MYO16: variants seen among roughly 807,000 people sequenced by gnomAD.
MYO16 encodes myosin XVI.
In MYO16, 94 loss-of-function variants were observed where a neutral mutation model predicts 205.3. That is an observed-to-expected ratio of 0.46 (90% CI 0.39 to 0.54). MYO16 has a LOEUF of 0.54. Ranked by LOEUF, MYO16 falls within the 20% of genes least tolerant of loss-of-function variation. The pLI is 0.00. For synonymous variants in MYO16, 988 were observed against 954.0 expected (o/e 1.04, Z -0.66); for missense variants, 2,315 against 2,387.5 (o/e 0.97, Z 0.63).
chr13:108,771,354 GA>G (rs1885958258), intron 4 of MYO16, among the ~76,000 whole-genome samples: 1 of 151,918 alleles, frequency 6.6e-6, no homozygotes, highest in African/African-American at 2.4e-5. Context: ...ACTTTTTTTA[GA>G]GCAGTTTTAG....
intron 15 of MYO16, among the ~76,000 whole-genome samples, chr13:108,906,093 C>T (rs1566403693): frequency 1.3e-5 from 2 of 152,150 alleles, no homozygotes; most frequent in Admixed American, 1.3e-4. Flanking sequence ...AAACTCTTAG[C>T]GTTCCCATGA....
In MYO16 at chr13:108,788,996, G is replaced by A. The variant is rs2138932285; in HGVS notation, c.616+3253G>A. 2.0e-5 allele frequency among the ~76,000 whole-genome samples: 3 copies of A among 152,220 alleles called. No individual in the cohort carries two copies. In the East Asian group the frequency reaches 5.8e-4, roughly 30 times the overall value. On this transcript the variant is annotated intron_variant, in intron 5 of 34. Transcript: ENST00000457511. ...CCATGTCCCTCCATGCTGTTGCTGG[G>A]TTGTCTCACCCTTTTGCTTGTGTTG...
chr13:108,848,108 C>G (rs555281668), intron 10 of MYO16, among the ~76,000 whole-genome samples: 7 of 152,144 alleles, frequency 4.6e-5, no homozygotes, highest in Admixed American at 3.9e-4. Context: ...GTACATAGGA[C>G]TGGGCTTGTA....
rs1566466553 is a variant in MYO16, at chr13:109,022,636, TA to T, written c.2796+2726del. 2.0e-4 allele frequency among the ~76,000 whole-genome samples: 27 copies of T among 135,786 alleles called. 1 individual carries two copies. The highest frequency in any genetic ancestry group is 7.2e-4 in the African/African-American group (27 of 37,368). The allele number at this position is 135,786 out of a possible 152,430, so 89.1% of individuals were successfully genotyped here. A position where few individuals can be genotyped will look rare whatever the true frequency, so the allele number is the denominator to read the frequency against. ...TAAACATATGTATATATATTATATA[TA>T]TGCATATAAACATATGTATATATTT... On this transcript the variant is annotated intron_variant, in intron 23 of 34. Coordinates refer to ENST00000457511, the MANE Select transcript of MYO16 (RefSeq NM_001198950.3).
chr13:108,666,062 A>G lies in MYO16; in HGVS notation c.205A>G (p.Arg69Gly), dbSNP rs748245730. 1 of 1,614,158 alleles carries G rather than the reference A, an allele frequency of 6.2e-7. No individual in the cohort carries two copies. ...TCAGAAGCAGGAAGGGTTCCTGAAA[A>G]GGCTGAAGCATGCGAAGAATCCGAA... Reference protein sequence around the residue: ...AFQKQEGFLKRLKHAKNPKVH... With the variant: ...AFQKQEGFLKGLKHAKNPKVH... The change falls in exon 2 of 35, where the codon AGG becomes GGG. Residue 69 changes from arginine to glycine, a missense_variant. Around this residue, in one of 3 missense-constraint regions of MYO16, gnomAD observed 1,213 missense variants for 1,274.4 expected, o/e 0.95. Transcript: ENST00000457511.
At chr13:109,110,772 C>T (rs2139736671) in intron 28 of MYO16, among the ~76,000 whole-genome samples, 1 of 152,240 alleles carries the variant, frequency 6.6e-6, no homozygotes, top group South Asian at 2.1e-4. Flanking sequence ...AATGGTCATT[C>T]TTAGAAATTT....
chr13:108,833,846 A>G (rs1324731888), intron 9 of MYO16, among the ~76,000 whole-genome samples: 1 of 152,034 alleles, frequency 6.6e-6, no homozygotes, highest in Non-Finnish European at 1.5e-5. Context: ...ATCTGTCTCT[A>G]CTGTATTAAT....
chr13:108,785,593 T>G (rs373034366), intron 4 of MYO16, 42 bp from the exon 5 acceptor site: 1 of 1,230,176 alleles, frequency 8.1e-7, no homozygotes, highest in African/African-American at 1.5e-5. Context: ...GCTTTTAATT[T>G]AAACAGTATA....
intron 2 of MYO16, among the ~76,000 whole-genome samples, chr13:108,701,995 A>T (rs1417952640): frequency 2.0e-5 from 3 of 151,690 alleles, no homozygotes; most frequent in Non-Finnish European, 1.5e-5. Context: ...ATCAATTAAG[A>T]TGATCCAGTC....
chr13:108,553,223 C>T, the MYO16 span, among the ~76,000 whole-genome samples: 1 of 151,634 alleles, frequency 6.6e-6, no homozygotes, highest in African/African-American at 2.4e-5. Flanking sequence ...GAATTCCTGA[C>T]CTCATGATCC....
intron 15 of MYO16, among the ~76,000 whole-genome samples, chr13:108,908,022 A>G (rs1298545130): frequency 6.6e-6 from 1 of 152,218 alleles, no homozygotes; most frequent in Non-Finnish European, 1.5e-5. Context: ...GAATATTATT[A>G]ATATTAAACA....
chr13:108,712,699 C>T lies in MYO16; in HGVS notation c.331C>T (p.Leu111Phe). 1 of 1,614,088 alleles carries T rather than the reference C, an allele frequency of 6.2e-7. No homozygotes were observed. Among genetic ancestry groups the T allele is most frequent in the South Asian group, 1.1e-5 (1 of 91,062 alleles). The change falls in exon 3 of 35, where the codon CTC (leucine) becomes TTC (phenylalanine). Residue 111 changes from leucine to phenylalanine, a missense_variant. Leu to Phe is a conservative substitution (Grantham distance 22, BLOSUM62 0). This residue lies in a region of MYO16 where 1,213 missense variants were observed against 1,274.4 expected (regional missense o/e 0.95). Coordinates refer to ENST00000457511, the MANE Select transcript of MYO16 (RefSeq NM_001198950.3). ...GAAGGAGGGGGCAGACCCCCACACC[C>T]TCGTCTCCTCGGGAGGGTCCCTGCT... is the stretch of plus-strand genomic sequence containing the variant. ...LLKEGADPHT[L>F]VSSGGSLLHL...
intron 4 of MYO16, among the ~76,000 whole-genome samples, chr13:108,775,610 ATTTTCTGAGG>A (rs71938096): frequency 0.08 from 12,162 of 152,052 alleles, 614 homozygotes; most frequent in Non-Finnish European, 0.12. Flanking sequence ...TGAAAACTAG[ATTTTCTGAGG>A]TTTTCTGACA....
At chr13:109,115,299 C>A (rs371102399) in intron 28 of MYO16, among the ~76,000 whole-genome samples, 4 of 140,822 alleles carry the variant, frequency 2.8e-5, no homozygotes, top group African/African-American at 1.0e-4. Flanking sequence ...GTAATTGGAG[C>A]TTTGGAAGTC....
chr13:108,932,745 G>C (rs1882313220), intron 16 of MYO16, among the ~76,000 whole-genome samples: 1 of 152,096 alleles, frequency 6.6e-6, no homozygotes, highest in South Asian at 2.1e-4. Flanking sequence ...GTGACTTTTT[G>C]ATCGTCAGGC....
intron 9 of MYO16, among the ~76,000 whole-genome samples, chr13:108,835,386 A>G (rs1876854961): frequency 1.3e-5 from 2 of 152,218 alleles, no homozygotes; most frequent in South Asian, 4.1e-4. Flanking sequence ...AGGCCTCTTC[A>G]GCCATGTGGA....
chr13:108,866,051 A>C, intron 11 of MYO16, 126 bp from the exon 12 acceptor site: 1 of 568,588 alleles, frequency 1.8e-6, no homozygotes, highest in Non-Finnish European at 2.7e-6. Flanking sequence ...AAAAATAGCA[A>C]AATACTAAAG....
At chr13:109,149,536 C>T (rs1036013365) in intron 32 of MYO16, among the ~76,000 whole-genome samples, 3 of 152,158 alleles carry the variant, frequency 2.0e-5, no homozygotes, top group African/African-American at 7.2e-5. Context: ...TCTCTGAAAA[C>T]AATAAAATTA....
At chr13:108,832,239 C>G (rs1301003709) in intron 9 of MYO16, among the ~76,000 whole-genome samples, 5 of 149,776 alleles carry the variant, frequency 3.3e-5, no homozygotes, top group Admixed American at 2.0e-4. Flanking sequence ...GCCTCCTGGG[C>G]TCAAGAGATT....
Sources: gnomAD v4.1 joint callset for allele counts (sites outside exome capture counted in the v4.1 genomes callset) on GRCh38, gnomAD v4.1.1 for gene constraint, gnomAD v4.1.1 regional missense constraint, MANE v1.5 for transcripts, NCBI Gene and HGNC (gene_info 2026-07-23, HGNC 2026-07-21) for gene names.